The following CTPS2 variants were observed in gnomAD, a reference collection of about 807,000 sequenced individuals.
CTPS2 encodes the protein CTP synthase 2.
Under a neutral mutation model 46.8 loss-of-function variants are expected in CTPS2, and 19 were observed. The ratio of observed to expected loss-of-function variants is 0.41; its 90% CI spans 0.28 to 0.60. CTPS2 has a LOEUF of 0.60. Among genes scored for constraint, CTPS2 ranks in the 20% least tolerant of loss-of-function variants. CTPS2 has a pLI of 0.35. For synonymous variants in CTPS2, 151 were observed against 165.2 expected (o/e 0.91, Z 0.66); for missense variants, 286 against 447.6 (o/e 0.64, Z 3.26).
intron 8 of CTPS2, among the ~76,000 whole-genome samples, chrX:16,685,643 T>G (rs952502978): frequency 1.9e-5 from 2 of 106,221 alleles, no homozygotes; most frequent in East Asian, 3.0e-4. Flanking sequence ...CGGATTACGA[T>G]GTCAGGAGAT....
chrX:16,599,476 C>CTTTTTTTTTTTTTTTTT (rs56794396), intron 17 of CTPS2, among the ~76,000 whole-genome samples: 1 of 86,210 alleles, frequency 1.2e-5, no homozygotes, highest in Admixed American at 1.3e-4. Context: ...TCTTTTTTTT[C>CTTTTTTTTTTTTTTTTT]TTTTTTTTTT....
chrX:16,591,391 T>G (rs778417587), intron 17 of CTPS2, among the ~76,000 whole-genome samples: 21 of 111,578 alleles, frequency 1.9e-4, no homozygotes, highest in Admixed American at 2.9e-4. Flanking sequence ...TGATGTCAAT[T>G]TGTTCTTCAA....
At chrX:16,644,671 C>T (rs1166878780) in intron 13 of CTPS2, among the ~76,000 whole-genome samples, 1 of 111,997 alleles carries the variant, frequency 8.9e-6, no homozygotes, top group African/African-American at 3.2e-5. Context: ...TGGATTCTCT[C>T]GTACACCCTC....
At chrX:16,600,594 C>T (rs1286936998) in intron 17 of CTPS2, among the ~76,000 whole-genome samples, 1 of 111,269 alleles carries the variant, frequency 9.0e-6, no homozygotes, top group Non-Finnish European at 1.9e-5. Context: ...ACTATTAATT[C>T]CATTCGTGTC....
chrX:16,707,114 TTTAAG>T (rs1925087762), intron 1 of CTPS2, among the ~76,000 whole-genome samples: 1 of 111,621 alleles, frequency 9.0e-6, no homozygotes, highest in African/African-American at 3.3e-5. Flanking sequence ...TCTTGTGATT[TTTAAG>T]TTGACAGTCA....
chrX:16,665,881 G>A (rs759170951), intron 13 of CTPS2, among the ~76,000 whole-genome samples: 1 of 111,550 alleles, frequency 9.0e-6, no homozygotes, highest in Non-Finnish European at 1.9e-5. Flanking sequence ...CTCCCTAGCA[G>A]CTGGGATTAC....
chrX:16,620,328 T>C lies in CTPS2; in HGVS notation c.1398A>G (p.Lys466=), dbSNP rs1350311428. 2.5e-6 allele frequency: 3 copies of C among 1,193,670 alleles called. No individual in the cohort carries two copies. Among genetic ancestry groups the C allele is most frequent in the East Asian group, 5.9e-5 (2 of 33,732 alleles). The stretch of plus-strand genomic sequence containing the variant: ...CTATAAAAGGAACATCACCATAAAG[T>C]TTCCCTGTAAAGATACAAGAGCGAG... ...VFKTENSILR[K]LYGDVPFIEE... is the part of the protein sequence containing the mutation. Residue 466 remains lysine, a synonymous_variant, in exon 15 of 19, where the codon AAA becomes AAG. Coordinates refer to ENST00000359276, the MANE Select transcript of CTPS2 (RefSeq NM_175859.3).
intron 4 of CTPS2, among the ~76,000 whole-genome samples, chrX:16,697,666 C>T (rs1315877512): frequency 9.1e-6 from 1 of 109,368 alleles, no homozygotes; most frequent in Non-Finnish European, 1.9e-5. Context: ...CTGTCTCAAA[C>T]TCATGGACTC....
intron 16 of CTPS2, among the ~76,000 whole-genome samples, chrX:16,615,122 G>A (rs1930463234): frequency 1.8e-5 from 2 of 110,743 alleles, no homozygotes; most frequent in South Asian, 7.8e-4. Flanking sequence ...GTTACAGTGA[G>A]CCAAGATCGC....
chrX:16,662,133 A>G (rs1367430308), intron 13 of CTPS2, among the ~76,000 whole-genome samples: 1 of 110,297 alleles, frequency 9.1e-6, no homozygotes, highest in South Asian at 3.9e-4. Flanking sequence ...CAGCCATGTG[A>G]TTGATATAGG....
At chrX:16,615,068 C>T (rs1402580671) in intron 16 of CTPS2, among the ~76,000 whole-genome samples, 1 of 110,806 alleles carries the variant, frequency 9.0e-6, no homozygotes, top group East Asian at 2.8e-4. Context: ...CCCAGCTACT[C>T]GGGAGGGTGA....
chrX:16,641,214 G>C (rs1456312339), intron 13 of CTPS2, among the ~76,000 whole-genome samples: 1 of 111,954 alleles, frequency 8.9e-6, no homozygotes, highest in Admixed American at 9.5e-5. Flanking sequence ...CGTGTATTCA[G>C]AGCCTCAACT....
At position 16,695,792 on chromosome X, in the gene CTPS2, C is replaced by T. The variant is rs780532704; in HGVS notation, c.439-2305G>A. 6.0e-4 allele frequency among the ~76,000 whole-genome samples: 66 copies of T among 110,691 alleles called. 1 individual carries two copies. The highest frequency in any genetic ancestry group is 9.5e-3 in the Middle Eastern group (2 of 211). ...GGCCTCGATCTCCTGACCTCGTGAT[C>T]CACCCGCCTCAGCCTCCCAAAGTGC... On this transcript the variant is annotated intron_variant, in intron 4 of 18. Coordinates refer to ENST00000359276, the MANE Select transcript of CTPS2 (RefSeq NM_175859.3).
intron 17 of CTPS2, 178 bp from the exon 18 acceptor site, chrX:16,591,040 G>T: frequency 3.0e-6 from 1 of 328,486 alleles, no homozygotes; most frequent in Non-Finnish European, 5.3e-6. Flanking sequence ...CACATGCAAT[G>T]GCCTCTTTCT....
chrX:16,622,431 A>AAGAAAAAG (rs911961296), intron 14 of CTPS2, among the ~76,000 whole-genome samples: 2 of 109,946 alleles, frequency 1.8e-5, no homozygotes, highest in African/African-American at 6.6e-5. Context: ...AAGAAAGAAA[A>AAGAAAAAG]AGAAAAAGAA....
chrX:16,617,241 G>T lies in CTPS2; in HGVS notation c.1455C>A (p.Asn485Lys). 2 of 1,199,131 alleles carry T rather than the reference G, an allele frequency of 1.7e-6. No homozygotes were observed. The highest frequency in any genetic ancestry group is 3.6e-5 in the South Asian group (2 of 55,201). ...GCTCAAATTGTTTGATCAGGTTAGG[G>T]TTTACCTGCAAAACAAGAAATTAAG... The part of the protein sequence containing the change: ...EERHRHRFEV[N>K]PNLIKQFEQN... The change falls in exon 16 of 19, where the codon AAC becomes AAA. Residue 485 changes from asparagine (N) to lysine (K), a missense_variant. By Grantham distance (94) the Asn-to-Lys change is moderately conservative. Coordinates refer to ENST00000359276, the MANE Select transcript of CTPS2 (RefSeq NM_175859.3).
At chrX:16,639,834 A>AAG (rs1367046652) in intron 13 of CTPS2, among the ~76,000 whole-genome samples, 11 of 109,407 alleles carry the variant, frequency 1.0e-4, no homozygotes, top group South Asian at 4.0e-4. Flanking sequence ...AGAAAGAAGA[A>AAG]AAGAAAAGGA....
intron 13 of CTPS2, among the ~76,000 whole-genome samples, chrX:16,664,744 C>G (rs1921027422): frequency 9.0e-6 from 1 of 111,692 alleles, no homozygotes; most frequent in Non-Finnish European, 1.9e-5. Context: ...TCTGCCCCTG[C>G]CCCCAAGAGA....
intron 17 of CTPS2, among the ~76,000 whole-genome samples, chrX:16,603,657 T>C (rs1157363760): frequency 9.1e-6 from 1 of 110,257 alleles, no homozygotes; most frequent in East Asian, 2.8e-4. Context: ...TATAGGCTCA[T>C]AGGAAATATT....
Sources: allele counts gnomAD v4.1 joint callset (sites outside exome capture counted in the v4.1 genomes callset), GRCh38; gene constraint gnomAD v4.1.1; transcripts MANE v1.5; gene names NCBI Gene and HGNC (gene_info 2026-07-23, HGNC 2026-07-21).